Variants in MSN observed in about 807,000 individuals in gnomAD.
The protein encoded by MSN is epididymis luminal protein 70.
MSN carries 2 observed loss-of-function variants against 48.0 expected under a neutral mutation model. The observed-to-expected ratio is 0.04, with a 90% CI of 0.02 to 0.13. The LOEUF (loss-of-function observed/expected upper bound fraction) is 0.13, where lower values mean the gene tolerates loss of function less well. Ranked by LOEUF, MSN falls within the 10% of genes least tolerant of loss-of-function variation. The pLI is 1.00. For synonymous variants in MSN, 146 were observed against 166.9 expected, an observed-to-expected ratio of 0.87 and a Z score of 0.97; for missense variants, 267 against 470.1, an observed-to-expected ratio of 0.57 and a Z score of 3.99.
At chrX:65,730,898 C>G (rs1299826596) in intron 4 of MSN, among the ~76,000 whole-genome samples, 1 of 111,725 alleles carries the variant, frequency 9.0e-6, no homozygotes, top group Non-Finnish European at 1.9e-5. Flanking sequence ...TTTGATCATC[C>G]ATTCTTGTAG....
chrX:65,659,754 A>C (rs2070808364), intron 1 of MSN, among the ~76,000 whole-genome samples: 1 of 111,307 alleles, frequency 9.0e-6, no homozygotes, highest in Non-Finnish European at 1.9e-5. Flanking sequence ...GAACTTTCTG[A>C]ATTTAGCTTG....
intron 1 of MSN, among the ~76,000 whole-genome samples, chrX:65,678,457 G>A (rs1412196748): frequency 1.8e-5 from 2 of 111,579 alleles, no homozygotes; most frequent in Non-Finnish European, 3.8e-5. Flanking sequence ...GTCTCGATTG[G>A]CCTAAAGAGG....
chrX:65,696,570 G>A (rs1246479941), intron 1 of MSN, among the ~76,000 whole-genome samples: 1 of 110,879 alleles, frequency 9.0e-6, no homozygotes, highest in African/African-American at 3.3e-5. Context: ...CTGGGGGTAG[G>A]ATTCTTATTC....
At chrX:65,692,938 C>A (rs371832117) in intron 1 of MSN, among the ~76,000 whole-genome samples, 1 of 111,831 alleles carries the variant, frequency 8.9e-6, no homozygotes, top group Non-Finnish European at 1.9e-5. Flanking sequence ...CCTCGGCCAG[C>A]GTTGTTTTTT....
At chrX:65,709,120 G>A (rs779828306) in intron 1 of MSN, among the ~76,000 whole-genome samples, 2 of 112,380 alleles carry the variant, frequency 1.8e-5, no homozygotes, top group South Asian at 3.6e-4. Context: ...GTAAACACGA[G>A]GGTGCAGATA....
chrX:65,596,905 T>TG (rs1438177943), intron 1 of MSN, among the ~76,000 whole-genome samples: 6 of 111,784 alleles, frequency 5.4e-5, no homozygotes, highest in Non-Finnish European at 1.1e-4. Context: ...GGGCTTTCAT[T>TG]GGAGACAAAG....
intron 1 of MSN, among the ~76,000 whole-genome samples, chrX:65,671,478 A>C (rs947680619): frequency 8.9e-6 from 1 of 111,857 alleles, no homozygotes; most frequent in Admixed American, 9.5e-5. Flanking sequence ...CATTCCTAGC[A>C]TTACTTGAGC....
chrX:65,719,148 A>T (rs999314302), intron 2 of MSN, among the ~76,000 whole-genome samples: 1 of 111,986 alleles, frequency 8.9e-6, no homozygotes. Flanking sequence ...CTCTCTTCAC[A>T]TGGAGGTTAT....
At chrX:65,651,397 A>G (rs1198048443) in intron 1 of MSN, among the ~76,000 whole-genome samples, 2 of 108,579 alleles carry the variant, frequency 1.8e-5, no homozygotes, top group Non-Finnish European at 3.8e-5. Flanking sequence ...TTTTCTGTCT[A>G]CTACAGGGAG....
intron 1 of MSN, among the ~76,000 whole-genome samples, chrX:65,615,275 G>T (rs1242722399): frequency 9.2e-6 from 1 of 108,147 alleles, no homozygotes; most frequent in Non-Finnish European, 1.9e-5. Context: ...CTGAGGAATC[G>T]CCACACTGAC....
chrX:65,729,698 G>A lies in MSN; in HGVS notation c.453G>A (p.Lys151=), dbSNP rs753903006. 1.2e-5 allele frequency: 15 copies of A among 1,209,139 alleles called. No homozygotes were observed. The South Asian group carries it at 2.7e-4, about 21-fold the overall frequency. ...AGTCTGGCTACCTGGCCGGAGACAA[G>A]TTGCTCCCGCAGAGGTGAGGTGGTT... ...VHKSGYLAGD[K]LLPQRVLEQH... Residue 151 remains lysine (K), a synonymous_variant, in exon 4 of 13, where the codon AAG becomes AAA. Transcript: ENST00000360270.
chrX:65,666,471 C>G (rs2070871359), upstream of MSN, among the ~76,000 whole-genome samples: 1 of 109,956 alleles, frequency 9.1e-6, no homozygotes, highest in African/African-American at 3.3e-5. Flanking sequence ...GGATTACAGG[C>G]ACGTGCCCGG....
intron 1 of MSN, among the ~76,000 whole-genome samples, chrX:65,592,987 G>C (rs1349924159): frequency 9.0e-6 from 1 of 111,610 alleles, no homozygotes; most frequent in Non-Finnish European, 1.9e-5. Flanking sequence ...GTTGCAATGA[G>C]CCTAGATCAC....
intron 10 of MSN, 44 bp downstream of exon 10, chrX:65,737,382 T>C: frequency 8.6e-7 from 1 of 1,168,202 alleles, no homozygotes; most frequent in South Asian, 2.0e-5. Flanking sequence ...CTGAACTTTC[T>C]TCCTTGTCTG....
At chrX:65,665,409 CTGTT>C (rs3834688), upstream of MSN, among the ~76,000 whole-genome samples, 60 of 111,973 alleles carry the variant, frequency 5.4e-4, 1 homozygote, top group East Asian at 0.012. Flanking sequence ...CTCATGGAGA[CTGTT>C]TGGGCTTTCC....
chrX:65,733,050 C>G, intron 6 of MSN, 134 bp from the exon 7 acceptor site: 1 of 466,367 alleles, frequency 2.1e-6, no homozygotes, highest in South Asian at 4.0e-5. Flanking sequence ...GACCTCGTCT[C>G]TATTTATTTT....
chrX:65,595,519 T>A (rs908261491), intron 1 of MSN, among the ~76,000 whole-genome samples: 3 of 112,087 alleles, frequency 2.7e-5, no homozygotes, highest in African/African-American at 9.7e-5. Context: ...TGGCCCTATC[T>A]AGTGAAGCAC....
intron 1 of MSN, among the ~76,000 whole-genome samples, chrX:65,595,465 T>C (rs778111744): frequency 8.9e-6 from 1 of 112,110 alleles, no homozygotes; most frequent in South Asian, 3.7e-4. Flanking sequence ...ATGTCTCTCA[T>C]TGTGAGGGAC....
intron 1 of MSN, among the ~76,000 whole-genome samples, chrX:65,649,207 T>A (rs1365965377): frequency 9.4e-6 from 1 of 106,739 alleles, no homozygotes; most frequent in African/African-American, 3.4e-5. Flanking sequence ...CAACCTTGTG[T>A]GTGAGGGAGA....
Sources: gnomAD v4.1 joint callset for allele counts (sites outside exome capture counted in the v4.1 genomes callset) on GRCh38, gnomAD v4.1.1 for gene constraint, MANE v1.5 for transcripts, NCBI Gene and HGNC (gene_info 2026-07-23, HGNC 2026-07-21) for gene names.